IKBKG: variants seen among roughly 807,000 people sequenced by gnomAD.
The protein encoded by IKBKG is inhibitor of nuclear factor kappa B kinase regulatory subunit gamma.
IKBKG carries 2 observed loss-of-function variants against 13.7 expected under a neutral mutation model. The ratio of observed to expected loss-of-function variants is 0.15; its 90% CI spans 0.06 to 0.46. The LOEUF is 0.46. IKBKG is among the 20% of genes least tolerant of loss of function. The pLI, the probability that IKBKG is intolerant of heterozygous loss-of-function variation, is 0.98. For synonymous variants in IKBKG, 22 were observed against 64.4 expected (o/e 0.34, Z 3.15); for missense variants, 53 against 150.3 (o/e 0.35, Z 3.39).
Position 154,554,193 on chromosome X carries a change from A to T in IKBKG, c.188-1972A>T, listed in dbSNP as rs1435158578. 8.0e-5 allele frequency among the ~76,000 whole-genome samples: 9 copies of T among 112,388 alleles called. No individual in the cohort carries two copies. The Admixed American group carries it at 8.4e-4, about 11-fold the overall frequency. ...GTCCATGGAGGAGGCTGTACTTAGA[A>T]TGTTGAGGGAGAGATTCACGAAGAA... On this transcript the variant is annotated intron_variant, in intron 2 of 9. Coordinates refer to ENST00000594239, the MANE Select transcript of IKBKG (RefSeq NM_001099857.5).
upstream of IKBKG, chrX:154,547,530 C>T (rs2070779151): frequency 1.3e-6 from 1 of 754,864 alleles, no homozygotes; most frequent in South Asian, 6.7e-5. Flanking sequence ...GGGATGCGGC[C>T]CTACCGCGGC....
chrX:154,551,311 A>G (rs2070925600), intron 1 of IKBKG, among the ~76,000 whole-genome samples: 1 of 110,059 alleles, frequency 9.1e-6, no homozygotes, highest in Admixed American at 9.7e-5. Flanking sequence ...GCAAGCACAC[A>G]CCCTCAAAGG....
At chrX:154,548,565 GGTTT>G (rs2070827099) in intron 1 of IKBKG, among the ~76,000 whole-genome samples, 1 of 112,137 alleles carries the variant, frequency 8.9e-6, no homozygotes, top group South Asian at 3.7e-4. Flanking sequence ...AAATCTTTTT[GGTTT>G]GTTTGTTTTT....
At chrX:154,544,407 A>G (rs1336061071), upstream of IKBKG, among the ~76,000 whole-genome samples, 1 of 101,673 alleles carries the variant, frequency 9.8e-6, no homozygotes, top group Non-Finnish European at 2.0e-5. Flanking sequence ...TGATCTGCCC[A>G]CCTTGGCCCC....
chrX:154,542,326 C>T (rs1357699000), exon 2 of IKBKG: 1 of 1,189,473 alleles, frequency 8.4e-7, no homozygotes, highest in Admixed American at 2.4e-5. Context: ...CGCAGACTAT[C>T]AATCCCAGTC....
upstream of IKBKG, chrX:154,547,231 C>A: frequency 3.4e-6 from 2 of 588,772 alleles, no homozygotes; most frequent in Non-Finnish European, 4.1e-6. Flanking sequence ...GGCAGCGTGG[C>A]CACGCCTCCT....
intron 1 of IKBKG, among the ~76,000 whole-genome samples, chrX:154,549,116 G>A (rs1378841875): frequency 9.3e-6 from 1 of 107,200 alleles, no homozygotes; most frequent in African/African-American, 3.4e-5. Flanking sequence ...CTCAGCCGCT[G>A]GGACTACAGT....
At chrX:154,547,325 C>T, upstream of IKBKG, 1 of 754,823 alleles carries the variant, frequency 1.3e-6, no homozygotes, top group South Asian at 6.7e-5. Flanking sequence ...GTCAAGCCGG[C>T]CCTATTGGGC....
At chrX:154,547,358 C>T (rs987909156), upstream of IKBKG, 3 of 754,321 alleles carry the variant, frequency 4.0e-6, no homozygotes, top group Admixed American at 8.5e-5. Context: ...ATTCCTCCCC[C>T]GGAGAGGGCG....
At chrX:154,546,254 A>C, upstream of IKBKG, 2 of 1,084,734 alleles carry the variant, frequency 1.8e-6, no homozygotes, top group Non-Finnish European at 2.5e-6. Flanking sequence ...GGGGTCTCAC[A>C]CCAGGGTGAC....
upstream of IKBKG, chrX:154,545,890 C>T (rs1290755026): frequency 2.0e-5 from 14 of 715,498 alleles, no homozygotes; most frequent in Non-Finnish European, 2.3e-5. Context: ...CAGGTAGAGC[C>T]GGGATGATCC....
In IKBKG at chrX:154,552,027, C is replaced by A; in HGVS notation, c.25C>A (p.Gln9Lys). MNRHLWKS[Q>K]LCEMVQPSGG... Reference sequence around the variant, plus strand: ...GATGAATAGGCACCTCTGGAAGAGCCAACTGTGTGAGATGGTGCAGCCCAG... The same window carrying A: ...GATGAATAGGCACCTCTGGAAGAGCAAACTGTGTGAGATGGTGCAGCCCAG... The change falls in exon 2 of 10, where the codon CAA becomes AAA. Residue 9 changes from glutamine (Q) to lysine (K), a missense_variant. Gln to Lys is a moderately conservative substitution (Grantham distance 53). Transcript: ENST00000594239. 9.0e-7 allele frequency: 1 copy of A among 1,112,222 alleles called. No homozygotes were observed. Among genetic ancestry groups the A allele is most frequent in the African/African-American group, 1.8e-5 (1 of 54,940 alleles). 91.7% of individuals were successfully genotyped at this position (1,112,222 alleles called of 1,213,427 possible).
chrX:154,553,875 G>A (rs1470437992), intron 2 of IKBKG, among the ~76,000 whole-genome samples: 3 of 112,719 alleles, frequency 2.7e-5, no homozygotes, highest in African/African-American at 9.7e-5. Context: ...CTCATCCCCA[G>A]GAGAGTGCTC....
upstream of IKBKG, chrX:154,542,570 C>G (rs1603413385): frequency 6.3e-6 from 6 of 951,542 alleles, no homozygotes; most frequent in East Asian, 2.2e-4. Flanking sequence ...GGTGTGTGGG[C>G]AAGTGTGAGG....
upstream of IKBKG, chrX:154,542,421 T>C: frequency 8.4e-7 from 1 of 1,196,124 alleles, no homozygotes; most frequent in Non-Finnish European, 1.1e-6. Context: ...CGCACACTAG[T>C]CTACAAGGCC....
upstream of IKBKG, chrX:154,546,677 C>T: frequency 1.6e-6 from 1 of 636,430 alleles, no homozygotes; most frequent in Non-Finnish European, 2.4e-6. Flanking sequence ...TTAAGACCCT[C>T]TCGATTCTGC....
At chrX:154,546,062 G>A (rs2070702973), upstream of IKBKG, 2 of 1,211,305 alleles carry the variant, frequency 1.7e-6, no homozygotes, top group African/African-American at 3.5e-5. Flanking sequence ...ATGAATATGT[G>A]TGTATCCGAC....
upstream of IKBKG, among the ~76,000 whole-genome samples, chrX:154,544,591 G>A (rs1188142432): frequency 1.8e-5 from 2 of 112,525 alleles, no homozygotes; most frequent in African/African-American, 6.5e-5. Context: ...CACCGTGCCC[G>A]GCCAGGTATG....
At chrX:154,545,965 T>A, upstream of IKBKG, 1 of 1,170,994 alleles carries the variant, frequency 8.5e-7, no homozygotes, top group Non-Finnish European at 1.2e-6. Context: ...CCTGCAACAA[T>A]TAGTTGGAAA....
Sources: gnomAD v4.1 joint callset for allele counts (sites outside exome capture counted in the v4.1 genomes callset) on GRCh38, gnomAD v4.1.1 for gene constraint, MANE v1.5 for transcripts, NCBI Gene and HGNC (gene_info 2026-07-23, HGNC 2026-07-21) for gene names.